Variants in INTS9 observed in about 807,000 individuals in gnomAD.
The protein encoded by INTS9 is protein related to CPSF subunits of 74 kDa.
A neutral mutation model predicts 79.7 loss-of-function variants in INTS9; 55 were observed. That is an observed-to-expected ratio of 0.69 (90% CI 0.56 to 0.86). INTS9 has a LOEUF of 0.86. INTS9 is among the 40% of genes least tolerant of loss of function. The pLI, the probability that INTS9 is intolerant of heterozygous loss-of-function variation, is 0.00. For missense variants in INTS9, 721 were observed against 831.5 expected (o/e 0.87, Z 1.64); for synonymous variants, 319 against 325.2 (o/e 0.98, Z 0.20).
chr8:28,838,783 A>G (rs1344192960), intron 4 of INTS9, among the ~76,000 whole-genome samples: 1 of 152,030 alleles, frequency 6.6e-6, no homozygotes, highest in Non-Finnish European at 1.5e-5. Context: ...AGCCTTCCAA[A>G]ATGCTGGGAT....
intron 1 of INTS9, among the ~76,000 whole-genome samples, chr8:28,876,457 T>A (rs1034703973): frequency 6.6e-6 from 1 of 151,914 alleles, no homozygotes; most frequent in African/African-American, 2.4e-5. Context: ...TGTAAAAGAG[T>A]CTCTCTTTAC....
chr8:28,877,339 C>T (rs971148644), intron 1 of INTS9, among the ~76,000 whole-genome samples: 13 of 152,136 alleles, frequency 8.5e-5, no homozygotes, highest in Admixed American at 5.9e-4. Context: ...ACATTGCATA[C>T]ATAATGTGAG....
At chr8:28,812,211 AT>A in intron 8 of INTS9, 115 bp downstream of exon 8, 1 of 1,027,150 alleles carries the variant, frequency 9.7e-7, no homozygotes, top group South Asian at 1.6e-5. Context: ...GCTAGAGAGT[AT>A]CTGTAGAAAA....
chr8:28,787,322 A>G (rs191134010), intron 11 of INTS9, among the ~76,000 whole-genome samples: 3 of 152,352 alleles, frequency 2.0e-5, no homozygotes, highest in Non-Finnish European at 2.9e-5. Flanking sequence ...ACTGGAAAGA[A>G]CACTCTGACA....
At chr8:28,771,147 G>T in intron 14 of INTS9, 67 bp from the exon 15 acceptor site, 1 of 1,100,912 alleles carries the variant, frequency 9.1e-7, no homozygotes, top group Non-Finnish European at 1.4e-6. Flanking sequence ...CCTTTAATCT[G>T]TATTTACATC....
chr8:28,843,288 A>G (rs1807306081), intron 4 of INTS9, among the ~76,000 whole-genome samples: 1 of 152,246 alleles, frequency 6.6e-6, no homozygotes, highest in African/African-American at 2.4e-5. Context: ...CAGTAGAGTT[A>G]GCCTATCCCT....
At position 28,771,054 on chromosome 8, in the gene INTS9, C is replaced by T. The variant is rs1278211713; in HGVS notation, c.1590G>A (p.Glu530=). 7.4e-6 allele frequency: 12 copies of T among 1,612,234 alleles called. 1 individual carries two copies. Among genetic ancestry groups the T allele is most frequent in the Non-Finnish European group, 8.5e-6 (10 of 1,179,194 alleles). The change falls in exon 15 of 17, where the codon GAG becomes GAA. Residue 530 remains glutamate, a synonymous_variant. Transcript: ENST00000521022. The part of the protein sequence containing the change: ...PELADSLVPM[E]IKPGISLATV... ...TTGCCAAGGAGATGCCAGGCTTGAT[C>T]TCCATGGGCACCAGTGAATCTGCGA...
chr8:28,778,862 T>A lies in INTS9; in HGVS notation c.1271-909A>T, dbSNP rs567580157. On this transcript the variant is annotated intron_variant, in intron 12 of 16. Coordinates refer to ENST00000521022, the MANE Select transcript of INTS9 (RefSeq NM_018250.4). Reference sequence around the variant, plus strand: ...GTACATAAATGCCCATTCCAGTGGATTGTGCTTCTCTGAGAATACTGACCC... The same window carrying A: ...GTACATAAATGCCCATTCCAGTGGAATGTGCTTCTCTGAGAATACTGACCC... Among the ~76,000 whole-genome samples the A allele has an allele frequency of 4.6e-5, 7 of 152,210 alleles. No homozygotes were observed. The South Asian group carries it at 1.2e-3, about 27-fold the overall frequency.
At chr8:28,861,926 G>T in intron 1 of INTS9, 1 of 206,752 alleles carries the variant, frequency 4.8e-6, no homozygotes, top group Non-Finnish European at 8.5e-6. Context: ...GTATAGATGA[G>T]AAGGTTGAGC....
chr8:28,787,371 G>A (rs182917666), intron 11 of INTS9, among the ~76,000 whole-genome samples: 8 of 152,282 alleles, frequency 5.3e-5, no homozygotes, highest in South Asian at 4.1e-4. Flanking sequence ...AATATGTATC[G>A]AAATACAATT....
At chr8:28,808,881 G>A (rs543761992) in intron 8 of INTS9, among the ~76,000 whole-genome samples, 19 of 152,150 alleles carry the variant, frequency 1.2e-4, no homozygotes, top group Admixed American at 1.2e-3. Context: ...AGTTAGTAAA[G>A]ATTGTACTCA....
At chr8:28,863,815 C>T (rs1808583243) in intron 1 of INTS9, among the ~76,000 whole-genome samples, 1 of 151,982 alleles carries the variant, frequency 6.6e-6, no homozygotes, top group Non-Finnish European at 1.5e-5. Flanking sequence ...AAACAAAAAG[C>T]AATGTACAAC....
At chr8:28,863,176 G>A (rs1338563569) in intron 1 of INTS9, among the ~76,000 whole-genome samples, 3 of 152,222 alleles carry the variant, frequency 2.0e-5, no homozygotes, top group Non-Finnish European at 4.4e-5. Flanking sequence ...ACTAGGTGAA[G>A]TGAATGAACA....
intron 1 of INTS9, among the ~76,000 whole-genome samples, chr8:28,879,836 A>G (rs1197404565): frequency 6.6e-6 from 1 of 152,200 alleles, no homozygotes; most frequent in Non-Finnish European, 1.5e-5. Flanking sequence ...ATATCAAATG[A>G]GTTAATTTAC....
At position 28,773,845 on chromosome 8, in the gene INTS9, C is replaced by T. The variant is rs116391916; in HGVS notation, c.1563+1914G>A. On this transcript the variant is annotated intron_variant, in intron 14 of 16. Transcript: ENST00000521022. ...CAGCTGAAATATATATTTTTTGAGA[C>T]AGAGTCTCGCTCTGTCATCCACGTA... is the stretch of plus-strand genomic sequence containing the variant. Among the ~76,000 whole-genome samples, 416 of 152,186 alleles carry T rather than the reference C, an allele frequency of 2.7e-3. 1 individual carries two copies. The highest frequency in any genetic ancestry group is 0.01 in the Middle Eastern group (3 of 294).
chr8:28,882,387 G>A (rs1809911762), intron 1 of INTS9, among the ~76,000 whole-genome samples: 1 of 141,080 alleles, frequency 7.1e-6, no homozygotes, highest in Admixed American at 7.3e-5. Flanking sequence ...TTTATCTGCT[G>A]ACCTTCCCTC....
Position 28,796,631 on chromosome 8 carries a change from T to A in INTS9, c.769A>T (p.Asn257Tyr). 1 of 1,613,720 alleles carries A rather than the reference T, an allele frequency of 6.2e-7. No homozygotes were observed. Among genetic ancestry groups the A allele is most frequent in the Non-Finnish European group, 8.5e-7 (1 of 1,179,634 alleles). ...PQPMDQASLKNSDVLVLTGLT... is the reference protein window; with the variant it reads ...PQPMDQASLKYSDVLVLTGLT... ...CCTGTCAGAACAAGAACATCGCTGTTTTTGAGAGAAGCTTGGTCCATGGGC... is the reference window on the plus strand; with the variant it reads ...CCTGTCAGAACAAGAACATCGCTGTATTTGAGAGAAGCTTGGTCCATGGGC... The change falls in exon 9 of 17, where the codon AAC becomes TAC. Residue 257 changes from asparagine (N) to tyrosine (Y), a missense_variant. Physicochemically the swap from Asn to Tyr is moderately radical, Grantham distance 143. This residue lies in a region of INTS9 where 291 missense variants were observed against 307.0 expected (regional missense o/e 0.95). Transcript: ENST00000521022.
At chr8:28,889,773 T>C in intron 1 of INTS9, 101 bp downstream of exon 1, 1 of 1,332,022 alleles carries the variant, frequency 7.5e-7, no homozygotes, top group Non-Finnish European at 1.1e-6. Flanking sequence ...CAATAATTGC[T>C]ACCCCTCCCG....
At chr8:28,802,682 T>A (rs1804587125) in intron 8 of INTS9, among the ~76,000 whole-genome samples, 1 of 152,066 alleles carries the variant, frequency 6.6e-6, no homozygotes, top group Non-Finnish European at 1.5e-5. Context: ...ATCAAAACAA[T>A]AAACAAACTA....
Sources: allele counts gnomAD v4.1 joint callset (sites outside exome capture counted in the v4.1 genomes callset), GRCh38; gene constraint gnomAD v4.1.1; regional missense constraint gnomAD v4.1.1; transcripts MANE v1.5; gene names NCBI Gene and HGNC (gene_info 2026-07-23, HGNC 2026-07-21).